PTPRR: variants seen among roughly 807,000 people sequenced by gnomAD.
The protein encoded by PTPRR is receptor-type tyrosine-protein phosphatase R.
In PTPRR, 38 loss-of-function variants were observed where a neutral mutation model predicts 77.2. The ratio of observed to expected loss-of-function variants is 0.49; its 90% CI spans 0.38 to 0.65. The LOEUF is 0.65. Among genes scored for constraint, PTPRR ranks in the 30% least tolerant of loss-of-function variants. The probability of loss-of-function intolerance (pLI) is 0.00; values close to 1 mark genes in which losing one functional copy is unlikely to be tolerated. For synonymous variants in PTPRR, 299 were observed against 283.1 expected, an observed-to-expected ratio of 1.06 and a Z score of -0.57; for missense variants, 744 against 799.2, an observed-to-expected ratio of 0.93 and a Z score of 0.83.
At chr12:70,708,233 G>C (rs966792394) in intron 6 of PTPRR, among the ~76,000 whole-genome samples, 1 of 152,120 alleles carries the variant, frequency 6.6e-6, no homozygotes, top group Non-Finnish European at 1.5e-5. Flanking sequence ...TGAACAGATG[G>C]AGAGCAACAC....
intron 4 of PTPRR, 86 bp from the exon 5 acceptor site, chr12:70,754,387 C>T (rs997513712): frequency 2.6e-5 from 41 of 1,586,886 alleles, no homozygotes; most frequent in African/African-American, 4.1e-5. Flanking sequence ...TATTTTTAGC[C>T]TTATTCCATT....
chr12:70,738,823 T>C (rs1458277653), intron 6 of PTPRR, among the ~76,000 whole-genome samples: 2 of 152,212 alleles, frequency 1.3e-5, no homozygotes, highest in African/African-American at 4.8e-5. Flanking sequence ...ACATTTGTCA[T>C]GTAGCTTAAC....
intron 12 of PTPRR, among the ~76,000 whole-genome samples, chr12:70,659,263 G>A: frequency 6.6e-6 from 1 of 152,102 alleles, no homozygotes; most frequent in East Asian, 1.9e-4. Flanking sequence ...GCACAGGTAG[G>A]CCATGGTGGC....
At chr12:70,803,436 C>A (rs920697487) in intron 2 of PTPRR, among the ~76,000 whole-genome samples, 1 of 151,970 alleles carries the variant, frequency 6.6e-6, no homozygotes, top group Non-Finnish European at 1.5e-5. Context: ...AGTGCAAACA[C>A]CAAGAAGAAG....
chr12:70,750,905 C>G (rs752684866), intron 5 of PTPRR, among the ~76,000 whole-genome samples: 7 of 139,150 alleles, frequency 5.0e-5, no homozygotes, highest in Non-Finnish European at 8.0e-5. Flanking sequence ...TTTTTTAAAC[C>G]CTTTTTTTTT....
chr12:70,658,233 C>T (rs190985880), intron 12 of PTPRR, among the ~76,000 whole-genome samples: 61 of 152,314 alleles, frequency 4.0e-4, no homozygotes, highest in Admixed American at 3.5e-3. Context: ...AAATGCCCTC[C>T]CTCCTTTTAA....
chr12:70,770,369 C>A (rs35229303), intron 2 of PTPRR, among the ~76,000 whole-genome samples: 3 of 151,872 alleles, frequency 2.0e-5, no homozygotes, highest in East Asian at 1.9e-4. Flanking sequence ...AGACACTTCT[C>A]GAAAGAAGAC....
At chr12:70,703,036 C>CT (rs888610632) in intron 6 of PTPRR, among the ~76,000 whole-genome samples, 1,598 of 144,372 alleles carry the variant, frequency 0.011, 36 homozygotes, top group African/African-American at 0.038. Flanking sequence ...TCTTTCCTTC[C>CT]TTTTTTTTTT....
chr12:70,793,186 T>C (rs1272414587), intron 2 of PTPRR, among the ~76,000 whole-genome samples: 1 of 151,434 alleles, frequency 6.6e-6, no homozygotes, highest in African/African-American at 2.5e-5. Flanking sequence ...GCAAATACTA[T>C]TGACATCTCA....
intron 2 of PTPRR, among the ~76,000 whole-genome samples, chr12:70,794,976 G>A (rs1891486017): frequency 6.6e-6 from 1 of 152,100 alleles, no homozygotes; most frequent in African/African-American, 2.4e-5. Flanking sequence ...GGGTGGGACA[G>A]TTGAGAAGGG....
rs1885838569 is a variant in PTPRR at position 70,638,333 on chromosome 12, C to T, written c.*851G>A. ...TGAGAGAGAGATTCCAGGTAGATAG[C>T]ATATTCAAAAATCCCTTCTTAGCAA... On this transcript the variant is annotated 3_prime_UTR_variant, in exon 14 of 14. Coordinates refer to ENST00000283228, the MANE Select transcript of PTPRR (RefSeq NM_002849.4). The T allele has an allele frequency of 6.6e-6, 1 of 152,340 alleles. No individual in the cohort carries two copies. The allele number at this position is 152,340 out of a possible 1,614,324, so 9.4% of individuals were successfully genotyped here. A position where few individuals can be genotyped will look rare whatever the true frequency, so the allele number is the denominator to read the frequency against.
chr12:70,854,999 A>G (rs991427992), intron 2 of PTPRR, among the ~76,000 whole-genome samples: 1 of 152,192 alleles, frequency 6.6e-6, no homozygotes, highest in African/African-American at 2.4e-5. Context: ...AACAAATGAC[A>G]TAATAGGGTC....
At chr12:70,683,456 A>G (rs1887748644) in intron 10 of PTPRR, among the ~76,000 whole-genome samples, 1 of 150,962 alleles carries the variant, frequency 6.6e-6, no homozygotes, top group South Asian at 2.2e-4. Context: ...TGGATTTCTT[A>G]TTATGAAGAT....
chr12:70,722,393 A>T (rs1444435351), intron 6 of PTPRR, among the ~76,000 whole-genome samples: 1 of 152,196 alleles, frequency 6.6e-6, no homozygotes, highest in Non-Finnish European at 1.5e-5. Flanking sequence ...ACTAGACCTG[A>T]TAAAATTAGA....
intron 10 of PTPRR, among the ~76,000 whole-genome samples, chr12:70,668,282 G>GAGGAAGAGA (rs1200351819): frequency 7.2e-5 from 11 of 151,946 alleles, no homozygotes; most frequent in Non-Finnish European, 1.6e-4. Context: ...GGAGGAAGAG[G>GAGGAAGAGA]AGGAGGAGGA....
At chr12:70,692,029 T>A (rs1416909364) in intron 8 of PTPRR, among the ~76,000 whole-genome samples, 1 of 152,242 alleles carries the variant, frequency 6.6e-6, no homozygotes, top group Non-Finnish European at 1.5e-5. Context: ...TTATACTATA[T>A]GACTTATAAA....
intron 2 of PTPRR, among the ~76,000 whole-genome samples, chr12:70,837,905 C>A (rs886331714): frequency 1.1e-4 from 16 of 152,084 alleles, no homozygotes; most frequent in Non-Finnish European, 1.6e-4. Flanking sequence ...CTTCAGTCAA[C>A]TCATTAGCAT....
At chr12:70,683,581 C>G (rs142825567) in intron 10 of PTPRR, among the ~76,000 whole-genome samples, 3,084 of 152,232 alleles carry the variant, frequency 0.02, 63 homozygotes, top group Admixed American at 0.038. Context: ...CCCATCACCC[C>G]CTCCTTACTG....
intron 10 of PTPRR, among the ~76,000 whole-genome samples, chr12:70,680,976 C>CTGT (rs754561502): frequency 1.5e-3 from 229 of 152,302 alleles, no homozygotes; most frequent in Non-Finnish European, 2.5e-3. Context: ...GACTTGGTTT[C>CTGT]TCTGCTGATC....
Sources: gnomAD v4.1 joint callset for allele counts (sites outside exome capture counted in the v4.1 genomes callset) on GRCh38, gnomAD v4.1.1 for gene constraint, MANE v1.5 for transcripts, NCBI Gene and HGNC (gene_info 2026-07-23, HGNC 2026-07-21) for gene names.